PLCE1: variants seen among roughly 807,000 people sequenced by gnomAD.
PLCE1 encodes phospholipase C epsilon 1.
PLCE1 carries 119 observed loss-of-function variants against 242.8 expected under a neutral mutation model. That is an observed-to-expected ratio of 0.49 (90% CI 0.42 to 0.57). The LOEUF is 0.57. PLCE1 is among the 20% of genes least tolerant of loss of function. PLCE1 has a pLI of 0.00. For synonymous variants in PLCE1, 945 were observed against 1,017.4 expected (o/e 0.93, Z 1.35); for missense variants, 2,441 against 2,788.8 (o/e 0.88, Z 2.81).
rs80213072 is a variant in PLCE1 at position 94,300,392 on chromosome 10, C to T, written c.5458+1723C>T. ...TGGGATTGAGAGTACGTCTTTAAGC[C>T]GTCCCACTCAAATGGCTGTGCTGTG... On this transcript the variant is annotated intron_variant, in intron 24 of 32. Coordinates refer to ENST00000371380, the MANE Select transcript of PLCE1 (RefSeq NM_016341.4). Among the ~76,000 whole-genome samples the T allele has an allele frequency of 2.0e-4, 31 of 152,316 alleles. No homozygotes were observed. In the East Asian group the frequency reaches 4.6e-3, roughly 23 times the overall value.
At chr10:94,096,840 G>A (rs2045333090) in intron 2 of PLCE1, 1 of 152,220 alleles carries the variant, frequency 6.6e-6, no homozygotes, top group Non-Finnish European at 1.5e-5. Context: ...TGTTTGCTGA[G>A]CAGAGGGATG....
rs568102856 is a variant in PLCE1, at chr10:94,282,904, G to A, written c.4796-886G>A. ...TTCTGTTTCCAATTTCTTGGGCCCG[G>A]TTAGCATGACGTTGTGATACTTCTG... On this transcript the variant is annotated intron_variant, in intron 20 of 32. Coordinates refer to ENST00000371380, the MANE Select transcript of PLCE1 (RefSeq NM_016341.4). 5.9e-5 allele frequency among the ~76,000 whole-genome samples: 9 copies of A among 152,212 alleles called. No individual in the cohort carries two copies. In the South Asian group the frequency reaches 1.9e-3, roughly 32 times the overall value.
At chr10:94,032,462 A>G (rs1054319757) in intron 2 of PLCE1, among the ~76,000 whole-genome samples, 5 of 152,184 alleles carry the variant, frequency 3.3e-5, no homozygotes, top group African/African-American at 1.2e-4. Context: ...AAAGTGTGTC[A>G]GAAAATAATG....
chr10:94,153,815 A>C (rs1347878322), intron 3 of PLCE1, among the ~76,000 whole-genome samples: 1 of 152,200 alleles, frequency 6.6e-6, no homozygotes, highest in Non-Finnish European at 1.5e-5. Flanking sequence ...TAAATTTAAC[A>C]AAAAAAGTGC....
Position 94,298,675 on chromosome 10 carries a change from G to C in PLCE1, c.5458+6G>C. ...ACTCAACTACCAGACTGATGGTAAGGGGCCTGCATGCTCACCTCGCTCCTT... is the reference window on the plus strand; with the variant it reads ...ACTCAACTACCAGACTGATGGTAAGCGGCCTGCATGCTCACCTCGCTCCTT... On this transcript the variant is annotated splice_donor_region_variant and intron_variant, in intron 24 of 32. Coordinates refer to ENST00000371380, the MANE Select transcript of PLCE1 (RefSeq NM_016341.4). The surrounding 1 kb of genome is among the most constrained non-coding windows in gnomAD (Gnocchi z 5.2). 2 of 1,613,842 alleles carry C rather than the reference G, an allele frequency of 1.2e-6. No homozygotes were observed. Among genetic ancestry groups the C allele is most frequent in the South Asian group, 2.2e-5 (2 of 91,074 alleles).
intron 2 of PLCE1, among the ~76,000 whole-genome samples, chr10:94,071,113 G>A (rs2044339528): frequency 1.3e-5 from 2 of 152,154 alleles, no homozygotes; most frequent in Non-Finnish European, 1.5e-5. Context: ...TGCTGCGGCT[G>A]AGCCCTGATC....
In PLCE1 at chr10:94,030,798, A is replaced by G. The variant is rs904785195; in HGVS notation, c.-249A>G. 1 of 509,900 alleles carries G rather than the reference A, an allele frequency of 2.0e-6. No homozygotes were observed. The highest frequency in any genetic ancestry group is 3.5e-6 in the Non-Finnish European group (1 of 286,544). 31.6% of individuals were successfully genotyped at this position (509,900 alleles called of 1,614,324 possible). A position where few individuals can be genotyped will look rare whatever the true frequency, so the allele number is the denominator to read the frequency against. On this transcript the variant is annotated 5_prime_UTR_variant, in exon 2 of 33. Transcript: ENST00000371380. ...CAAAAAATTTTGCTTCAGGTAACAG[A>G]GGAAGGAAAATTGATCTACCACCTT...
intron 4 of PLCE1, among the ~76,000 whole-genome samples, chr10:94,209,418 C>A (rs1275734971): frequency 1.3e-5 from 2 of 152,060 alleles, no homozygotes; most frequent in Non-Finnish European, 2.9e-5. Context: ...ATTTTAAAGG[C>A]AAATAGTTTT....
intron 7 of PLCE1, among the ~76,000 whole-genome samples, chr10:94,240,027 C>G (rs2050451033): frequency 6.6e-6 from 1 of 152,166 alleles, no homozygotes; most frequent in Admixed American, 6.5e-5. Context: ...GTATTTCTCT[C>G]TTTCTGCTTC....
At chr10:94,049,508 A>T (rs1232727883) in intron 2 of PLCE1, among the ~76,000 whole-genome samples, 1 of 152,198 alleles carries the variant, frequency 6.6e-6, no homozygotes, top group South Asian at 2.1e-4. Flanking sequence ...TCACTGTGCC[A>T]GTAACATTAG....
intron 4 of PLCE1, among the ~76,000 whole-genome samples, chr10:94,195,663 A>T (rs1393383390): frequency 6.6e-6 from 1 of 152,206 alleles, no homozygotes; most frequent in Non-Finnish European, 1.5e-5. Context: ...GAAATCCTTA[A>T]GAAAGCAATA....
In PLCE1 at chr10:94,234,322, T is replaced by TG. The variant is rs780651084; in HGVS notation, c.2214+10_2214+11insG. The TG allele has an allele frequency of 1.9e-6, 3 of 1,613,310 alleles. No individual in the cohort carries two copies. The highest frequency in any genetic ancestry group is 2.7e-5 in the African/African-American group (2 of 74,908). On this transcript the variant is annotated intron_variant, in intron 6 of 32. Transcript: ENST00000371380. ...AGAAGAAACTTTAGAGGTAAGGCCTTTCAGAATCATCGTGGCCTGAAGAGC... is the reference window on the plus strand; with the variant it reads ...AGAAGAAACTTTAGAGGTAAGGCCTTGTCAGAATCATCGTGGCCTGAAGAGC...
At chr10:94,059,455 A>T (rs142012059) in intron 2 of PLCE1, among the ~76,000 whole-genome samples, 1 of 152,224 alleles carries the variant, frequency 6.6e-6, no homozygotes, top group East Asian at 1.9e-4. Context: ...CTGGGTGGAG[A>T]TCTCAGATGA....
intron 4 of PLCE1, among the ~76,000 whole-genome samples, chr10:94,216,332 G>A (rs559767240): frequency 3.3e-5 from 5 of 152,282 alleles, no homozygotes; most frequent in African/African-American, 9.6e-5. Flanking sequence ...GGAGGGACAC[G>A]TCAGGCTTGG....
chr10:94,086,274 TA>T (rs2135300398), intron 2 of PLCE1, among the ~76,000 whole-genome samples: 1 of 152,208 alleles, frequency 6.6e-6, no homozygotes, highest in East Asian at 1.9e-4. Context: ...GGTCACACAG[TA>T]AAATCTATCT....
intron 2 of PLCE1, among the ~76,000 whole-genome samples, chr10:94,061,110 G>A (rs2044044332): frequency 6.6e-6 from 1 of 152,194 alleles, no homozygotes; most frequent in Admixed American, 6.5e-5. Flanking sequence ...TGTGGGGCAA[G>A]GGCACTGGAT....
At chr10:94,029,668 G>A (rs1308279917) in intron 1 of PLCE1, among the ~76,000 whole-genome samples, 1 of 152,074 alleles carries the variant, frequency 6.6e-6, no homozygotes, top group Admixed American at 6.6e-5. Flanking sequence ...TCACCCTTGA[G>A]GCTGTGTTTG....
chr10:94,146,935 A>G (rs955179344), intron 3 of PLCE1, among the ~76,000 whole-genome samples: 2 of 152,214 alleles, frequency 1.3e-5, no homozygotes, highest in African/African-American at 4.8e-5. Flanking sequence ...GGTTCCAGGT[A>G]GCATTCACAT....
chr10:94,170,816 C>T (rs996536997), intron 3 of PLCE1, among the ~76,000 whole-genome samples: 7 of 152,190 alleles, frequency 4.6e-5, no homozygotes, highest in Non-Finnish European at 1.0e-4. Context: ...CTTATACCTA[C>T]CCTCATTTCA....
Sources: gnomAD v4.1 joint callset for allele counts (sites outside exome capture counted in the v4.1 genomes callset) on GRCh38, gnomAD v4.1.1 for gene constraint, Gnocchi (gnomAD v3.1) non-coding constraint, MANE v1.5 for transcripts, NCBI Gene and HGNC (gene_info 2026-07-23, HGNC 2026-07-21) for gene names.